Variants in FOXO1 observed in about 807,000 individuals in gnomAD.
The protein encoded by FOXO1 is forkhead box O1.
In FOXO1, 6 loss-of-function variants were observed where a neutral mutation model predicts 44.1. The ratio of observed to expected loss-of-function variants is 0.14; its 90% CI spans 0.07 to 0.27. The LOEUF (loss-of-function observed/expected upper bound fraction) is 0.27, where lower values mean the gene tolerates loss of function less well. FOXO1 is among the 10% of genes least tolerant of loss of function. The probability of loss-of-function intolerance (pLI) is 1.00; values close to 1 mark genes in which losing one functional copy is unlikely to be tolerated. For missense variants in FOXO1, 737 were observed against 888.8 expected, an observed-to-expected ratio of 0.83 and a Z score of 2.17; for synonymous variants, 380 against 362.7, an observed-to-expected ratio of 1.05 and a Z score of -0.54.
intron 1 of FOXO1, among the ~76,000 whole-genome samples, chr13:40,565,334 T>C (rs1874225371): frequency 1.3e-5 from 2 of 152,142 alleles, no homozygotes; most frequent in Admixed American, 1.3e-4. Context: ...AGCCACTTAA[T>C]AGGATGACAC....
intron 1 of FOXO1, among the ~76,000 whole-genome samples, chr13:40,588,667 G>C (rs1268083833): frequency 6.6e-6 from 1 of 152,128 alleles, no homozygotes; most frequent in Non-Finnish European, 1.5e-5. Context: ...CCCCGGCAGA[G>C]GCCCCAGCCT....
chr13:40,562,219 G>GT (rs1874057419), intron 1 of FOXO1, among the ~76,000 whole-genome samples: 1 of 152,044 alleles, frequency 6.6e-6, no homozygotes, highest in Non-Finnish European at 1.5e-5. Flanking sequence ...ACACCTCCAC[G>GT]TAGCCAGGGG....
At position 40,613,323 on chromosome 13, in the gene FOXO1, G is replaced by C. The variant is rs192133516; in HGVS notation, c.630+52260C>G. On this transcript the variant is annotated intron_variant, in intron 1 of 2. Coordinates refer to ENST00000379561, the MANE Select transcript of FOXO1 (RefSeq NM_002015.4). Reference sequence around the variant, plus strand: ...CTCTTCCTGAGGCACATAAGGATGTGACATAGTTACATGTGGTTTGCAAGA... The same window carrying C: ...CTCTTCCTGAGGCACATAAGGATGTCACATAGTTACATGTGGTTTGCAAGA... 1.1e-4 allele frequency among the ~76,000 whole-genome samples: 16 copies of C among 152,122 alleles called. No individual in the cohort carries two copies. In the East Asian group the frequency reaches 2.5e-3, roughly 24 times the overall value.
intron 1 of FOXO1, among the ~76,000 whole-genome samples, chr13:40,640,132 A>G (rs545211620): frequency 2.6e-4 from 39 of 152,352 alleles, no homozygotes; most frequent in African/African-American, 9.1e-4. Flanking sequence ...AGATAATCCT[A>G]CACTAAAATA....
intron 1 of FOXO1, among the ~76,000 whole-genome samples, chr13:40,626,945 C>G (rs1566079236): frequency 6.6e-6 from 1 of 152,192 alleles, no homozygotes; most frequent in Non-Finnish European, 1.5e-5. Context: ...TAAGTAGTTA[C>G]CATCAGGGCT....
intron 1 of FOXO1, among the ~76,000 whole-genome samples, chr13:40,570,123 C>A (rs1394991229): frequency 6.6e-6 from 1 of 151,956 alleles, no homozygotes; most frequent in Non-Finnish European, 1.5e-5. Flanking sequence ...ACCATCCTGG[C>A]CAACATGGTG....
intron 1 of FOXO1, among the ~76,000 whole-genome samples, chr13:40,632,792 A>T (rs1363439954): frequency 6.6e-6 from 1 of 152,066 alleles, no homozygotes; most frequent in Non-Finnish European, 1.5e-5. Context: ...AAAATAAAAA[A>T]AAATTAGCTG....
At chr13:40,624,165 C>T (rs2137906117) in intron 1 of FOXO1, among the ~76,000 whole-genome samples, 1 of 151,554 alleles carries the variant, frequency 6.6e-6, no homozygotes, top group East Asian at 1.9e-4. Context: ...CTAGACGACC[C>T]TCTGCAGAAG....
rs115603584 is a variant in FOXO1, at chr13:40,622,406, T to A, written c.630+43177A>T. Among the ~76,000 whole-genome samples the A allele has an allele frequency of 3.4e-3, 512 of 152,254 alleles. 4 individuals are homozygous for A. Among genetic ancestry groups the A allele is most frequent in the African/African-American group, 0.012 (492 of 41,552 alleles). ...ATTAAAACAAACAAACCAAAAAATC[T>A]CAGATTTCACAACTGTAGGAAGAGC... On this transcript the variant is annotated intron_variant, in intron 1 of 2. Coordinates refer to ENST00000379561, the MANE Select transcript of FOXO1 (RefSeq NM_002015.4).
At position 40,660,374 on chromosome 13, in the gene FOXO1, T is replaced by C. The variant is rs564969445; in HGVS notation, c.630+5209A>G. Among the ~76,000 whole-genome samples, 4 of 152,298 alleles carry C rather than the reference T, an allele frequency of 2.6e-5. No individual in the cohort carries two copies. The East Asian group carries it at 7.7e-4, about 29-fold the overall frequency. ...TAGGCCAAAAAAATGGCTGGGTAAA[T>C]TCCCATGATGCCAGGGAACTGGGTA... On this transcript the variant is annotated intron_variant, in intron 1 of 2. Transcript: ENST00000379561.
At chr13:40,592,873 T>A (rs1875435864) in intron 1 of FOXO1, among the ~76,000 whole-genome samples, 2 of 152,194 alleles carry the variant, frequency 1.3e-5, no homozygotes, top group Non-Finnish European at 2.9e-5. Context: ...TCTCACATGA[T>A]CAAACATAAT....
At chr13:40,600,642 G>A (rs1056226816) in intron 1 of FOXO1, among the ~76,000 whole-genome samples, 1 of 152,142 alleles carries the variant, frequency 6.6e-6, no homozygotes. Flanking sequence ...ATTACTGTCT[G>A]GGTATGCTAA....
At chr13:40,629,711 T>C (rs1176369992) in intron 1 of FOXO1, among the ~76,000 whole-genome samples, 1 of 152,168 alleles carries the variant, frequency 6.6e-6, no homozygotes, top group Non-Finnish European at 1.5e-5. Context: ...GATTTTCAGA[T>C]TAGGAATATT....
intron 1 of FOXO1, among the ~76,000 whole-genome samples, chr13:40,641,884 G>A (rs1341717505): frequency 6.6e-6 from 1 of 152,112 alleles, no homozygotes; most frequent in Non-Finnish European, 1.5e-5. Context: ...TACTTGGGAG[G>A]CTGAGGTGAG....
In FOXO1 at chr13:40,581,180, T is replaced by C. The variant is rs78696518; in HGVS notation, c.631-20320A>G. Among the ~76,000 whole-genome samples, 162 of 152,320 alleles carry C rather than the reference T, an allele frequency of 1.1e-3. 4 individuals carry two copies. The East Asian group carries it at 0.019, about 18-fold the overall frequency. On this transcript the variant is annotated intron_variant, in intron 1 of 2. Transcript: ENST00000379561. ...AAATCTGGCCAGGTTTTGTGATCCC[T>C]TAACCCCCTTTTTTGGAAAAACCTG... is the stretch of plus-strand genomic sequence containing the variant.
At chr13:40,611,569 G>A (rs1194959919) in intron 1 of FOXO1, among the ~76,000 whole-genome samples, 1 of 152,172 alleles carries the variant, frequency 6.6e-6, no homozygotes, top group Admixed American at 6.5e-5. Context: ...CCCTGCTAGA[G>A]GGGTTCACGT....
At chr13:40,585,160 G>A (rs963755522) in intron 1 of FOXO1, among the ~76,000 whole-genome samples, 1 of 152,116 alleles carries the variant, frequency 6.6e-6, no homozygotes, top group Admixed American at 6.5e-5. Context: ...AAACACAACT[G>A]TAATCTTACG....
chr13:40,565,255 G>C (rs1436695521), intron 1 of FOXO1, among the ~76,000 whole-genome samples: 2 of 152,170 alleles, frequency 1.3e-5, no homozygotes, highest in Non-Finnish European at 2.9e-5. Flanking sequence ...AGACATGAAG[G>C]AATGAGACAC....
intron 1 of FOXO1, among the ~76,000 whole-genome samples, chr13:40,579,488 T>C (rs1874882144): frequency 6.6e-6 from 1 of 152,170 alleles, no homozygotes; most frequent in South Asian, 2.1e-4. Context: ...GCCAAATCTT[T>C]TCCATCTCCT....
Sources: gnomAD v4.1 joint callset for allele counts (sites outside exome capture counted in the v4.1 genomes callset) on GRCh38, gnomAD v4.1.1 for gene constraint, MANE v1.5 for transcripts, NCBI Gene and HGNC (gene_info 2026-07-23, HGNC 2026-07-21) for gene names.